Variants in ADAM32 observed in about 807,000 individuals in gnomAD.
ADAM32 encodes ADAM metallopeptidase domain 32.
A neutral mutation model predicts 114.9 loss-of-function variants in ADAM32; 89 were observed. The observed-to-expected ratio is 0.77, with a 90% CI of 0.65 to 0.92. The LOEUF is 0.92. ADAM32 is among the 40% of genes least tolerant of loss of function. The probability of loss-of-function intolerance (pLI) is 0.00; values close to 1 mark genes in which losing one functional copy is unlikely to be tolerated. For missense variants in ADAM32, 870 were observed against 932.8 expected (o/e 0.93, Z 0.88); for synonymous variants, 285 against 307.5 (o/e 0.93, Z 0.77).
chr8:39,281,014 C>T (rs1379416522), intron 22 of ADAM32, 122 bp from the exon 23 acceptor site: 2 of 246,798 alleles, frequency 8.1e-6, no homozygotes, highest in Non-Finnish European at 7.6e-6. Context: ...GATCTCCTGA[C>T]CTTGTGATCC....
chr8:39,245,927 T>A (rs1810887303), intron 16 of ADAM32, among the ~76,000 whole-genome samples, 156 bp from the exon 17 acceptor site: 1 of 152,052 alleles, frequency 6.6e-6, no homozygotes, highest in Non-Finnish European at 1.5e-5. Flanking sequence ...GCAAAAAAAA[T>A]AAAACACCCT....
At chr8:39,146,492 C>A (rs1309870768) in intron 3 of ADAM32, among the ~76,000 whole-genome samples, 1 of 148,554 alleles carries the variant, frequency 6.7e-6, no homozygotes, top group East Asian at 2.0e-4. Context: ...CTCACTGCAA[C>A]CTCTGCCTCT....
At chr8:39,151,337 T>A in intron 5 of ADAM32, 40 bp from the exon 6 acceptor site, 1 of 1,474,910 alleles carries the variant, frequency 6.8e-7, no homozygotes, top group Non-Finnish European at 9.1e-7. Flanking sequence ...TTATATAGAT[T>A]TGATTAAAAG....
At chr8:39,182,562 G>A (rs867107884) in intron 10 of ADAM32, among the ~76,000 whole-genome samples, 108 of 152,172 alleles carry the variant, frequency 7.1e-4, no homozygotes, top group African/African-American at 2.6e-3. Flanking sequence ...CATTTTTCAA[G>A]AATACAATTT....
In ADAM32 at chr8:39,284,784, C is replaced by T; in HGVS notation, c.2358-9C>T. On this transcript the variant is annotated splice_polypyrimidine_tract_variant and intron_variant, in intron 24 of 24. Coordinates refer to ENST00000379907, the MANE Select transcript of ADAM32 (RefSeq NM_145004.7). ...CTTTGAGCACGTGTTTTTTTGTTCTCTTCCACAGTAACTAGTGATTCCTTC... is the reference window on the plus strand; with the variant it reads ...CTTTGAGCACGTGTTTTTTTGTTCTTTTCCACAGTAACTAGTGATTCCTTC... The T allele has an allele frequency of 6.2e-7, 1 of 1,613,666 alleles. No homozygotes were observed. The highest frequency in any genetic ancestry group is 8.5e-7 in the Non-Finnish European group (1 of 1,179,732).
At chr8:39,232,227 T>A in intron 15 of ADAM32, 92 bp downstream of exon 15, 2 of 1,010,586 alleles carry the variant, frequency 2.0e-6, no homozygotes, top group Non-Finnish European at 1.4e-6. Flanking sequence ...TCCAGTGGTT[T>A]AAAGTATTAC....
At chr8:39,115,588 G>A (rs77981639) in intron 1 of ADAM32, among the ~76,000 whole-genome samples, 1 of 142,034 alleles carries the variant, frequency 7.0e-6, no homozygotes, top group Non-Finnish European at 1.5e-5. Context: ...TTTTTAATGG[G>A]TTTTTTTTTT....
chr8:39,225,741 A>C (rs1008799230), intron 14 of ADAM32, among the ~76,000 whole-genome samples: 3 of 152,102 alleles, frequency 2.0e-5, no homozygotes, highest in Non-Finnish European at 4.4e-5. Context: ...AGCTGGAACC[A>C]TCCAACTCTA....
intron 6 of ADAM32, among the ~76,000 whole-genome samples, chr8:39,155,429 A>G (rs1397674896): frequency 6.6e-6 from 1 of 152,244 alleles, no homozygotes; most frequent in Non-Finnish European, 1.5e-5. Flanking sequence ...CCTTTATGTG[A>G]CAATAGCATG....
intron 3 of ADAM32, among the ~76,000 whole-genome samples, chr8:39,140,142 A>G (rs942273330): frequency 2.4e-4 from 37 of 152,232 alleles, no homozygotes; most frequent in Non-Finnish European, 4.4e-4. Flanking sequence ...TGACTTCCTC[A>G]TTTCCTAATT....
intron 12 of ADAM32, among the ~76,000 whole-genome samples, chr8:39,211,589 A>G (rs1808227527): frequency 1.3e-5 from 2 of 152,208 alleles, no homozygotes; most frequent in Admixed American, 6.5e-5. Context: ...GACTAAATAT[A>G]TAGGGTTCTT....
intron 10 of ADAM32, among the ~76,000 whole-genome samples, chr8:39,170,755 A>T (rs1002429766): frequency 9.9e-5 from 15 of 152,166 alleles, no homozygotes; most frequent in African/African-American, 3.4e-4. Flanking sequence ...AAATAAAAAA[A>T]TTTTTAGAAC....
chr8:39,220,550 A>G (rs1255702229), intron 12 of ADAM32, among the ~76,000 whole-genome samples: 2 of 151,934 alleles, frequency 1.3e-5, no homozygotes, highest in Non-Finnish European at 2.9e-5. Context: ...GTAGGCATTT[A>G]TTCTTATAAA....
chr8:39,186,609 A>T (rs1456314410), intron 10 of ADAM32, among the ~76,000 whole-genome samples: 6 of 152,230 alleles, frequency 3.9e-5, no homozygotes, highest in Non-Finnish European at 2.9e-5. Flanking sequence ...CCATATAACC[A>T]ACAGTGTAAT....
chr8:39,271,009 A>G (rs1164756214), intron 20 of ADAM32, 95 bp downstream of exon 20: 14 of 1,185,018 alleles, frequency 1.2e-5, no homozygotes, highest in African/African-American at 3.1e-5. Context: ...TTGAACATCA[A>G]TTGGTAAAGC....
At chr8:39,122,536 T>G (rs1188478726) in intron 2 of ADAM32, among the ~76,000 whole-genome samples, 1 of 152,210 alleles carries the variant, frequency 6.6e-6, no homozygotes, top group Non-Finnish European at 1.5e-5. Context: ...CATATTTATC[T>G]TGGATTTCTA....
chr8:39,227,140 G>A (rs1363628707), intron 14 of ADAM32, among the ~76,000 whole-genome samples: 1 of 152,096 alleles, frequency 6.6e-6, no homozygotes, highest in Non-Finnish European at 1.5e-5. Flanking sequence ...TAAAGGAAGT[G>A]GACTGCTCCT....
At chr8:39,162,099 G>A (rs1311481584) in intron 7 of ADAM32, among the ~76,000 whole-genome samples, 1 of 150,838 alleles carries the variant, frequency 6.6e-6, no homozygotes, top group Non-Finnish European at 1.5e-5. Context: ...CCATGTTGGT[G>A]TGCTGCACCC....
At position 39,257,258 on chromosome 8, in the gene ADAM32, A is replaced by G. The variant is rs201527858; in HGVS notation, c.2077A>G (p.Ile693Val). The change falls in exon 19 of 25, where the codon ATT (isoleucine) becomes GTT (valine). Residue 693 changes from isoleucine (I) to valine (V), a missense_variant. Transcript: ENST00000379907. ...WLLGFLIALP[I>V]LIVTTAIVLA... ...TCTAGGTTTCCTCATTGCTCTTCCT[A>G]TTCTCATTGTAACAACCGCAATAGT... The G allele has an allele frequency of 3.1e-4, 506 of 1,612,422 alleles. 1 individual carries two copies. Among genetic ancestry groups the G allele is most frequent in the Middle Eastern group, 1.3e-3 (8 of 6,056 alleles).
Sources: allele counts gnomAD v4.1 joint callset (sites outside exome capture counted in the v4.1 genomes callset), GRCh38; gene constraint gnomAD v4.1.1; transcripts MANE v1.5; gene names NCBI Gene and HGNC (gene_info 2026-07-23, HGNC 2026-07-21).